The following NHSL1 variants were observed in gnomAD, a reference collection of about 807,000 sequenced individuals.
The protein encoded by NHSL1 is NHS like 1.
A neutral mutation model predicts 95.0 loss-of-function variants in NHSL1; 48 were observed. The observed-to-expected ratio is 0.51, with a 90% CI of 0.40 to 0.64. The LOEUF is 0.64. Among genes scored for constraint, NHSL1 ranks in the 30% least tolerant of loss-of-function variants. The pLI is 0.00. For missense variants in NHSL1, 1,971 were observed against 2,077.7 expected (o/e 0.95, Z 1.00); for synonymous variants, 783 against 833.9 (o/e 0.94, Z 1.05).
intron 1 of NHSL1, among the ~76,000 whole-genome samples, chr6:138,686,180 ATAATGCC>A (rs901812464): frequency 6.6e-6 from 1 of 152,212 alleles, no homozygotes; most frequent in Non-Finnish European, 1.5e-5. Context: ...AGTATGTGAG[ATAATGCC>A]TATATGTTAA....
At chr6:138,576,938 A>G (rs1783981251), upstream of NHSL1, among the ~76,000 whole-genome samples, 1 of 152,234 alleles carries the variant, frequency 6.6e-6, no homozygotes, top group Non-Finnish European at 1.5e-5. Flanking sequence ...TACATAATAC[A>G]TTAAGGAAAA....
chr6:138,487,970 G>A (rs529050419), intron 2 of NHSL1, among the ~76,000 whole-genome samples: 67 of 152,204 alleles, frequency 4.4e-4, no homozygotes, highest in African/African-American at 1.5e-3. Flanking sequence ...ATAAGTAATC[G>A]AAAGTTTCTT....
At chr6:138,674,622 A>C (rs1785424513) in intron 1 of NHSL1, among the ~76,000 whole-genome samples, 1 of 152,052 alleles carries the variant, frequency 6.6e-6, no homozygotes, top group Non-Finnish European at 1.5e-5. Flanking sequence ...TTCCCACTTC[A>C]TCCGTGTCCC....
At chr6:138,637,548 A>C (rs1036409281) in intron 1 of NHSL1, among the ~76,000 whole-genome samples, 4 of 152,174 alleles carry the variant, frequency 2.6e-5, no homozygotes, top group African/African-American at 9.7e-5. Context: ...TCTATCAGCA[A>C]AAAATCTAAT....
At chr6:138,666,963 G>A (rs1425693516) in intron 1 of NHSL1, among the ~76,000 whole-genome samples, 2 of 152,034 alleles carry the variant, frequency 1.3e-5, no homozygotes, top group Non-Finnish European at 2.9e-5. Context: ...ATCCAACAAT[G>A]TTTTTAGCAA....
intron 1 of NHSL1, among the ~76,000 whole-genome samples, chr6:138,681,632 C>T (rs1414963519): frequency 6.6e-6 from 1 of 152,186 alleles, no homozygotes; most frequent in Non-Finnish European, 1.5e-5. Context: ...AACCACAGTG[C>T]ACCTCAACAG....
chr6:138,638,215 G>A (rs1455294189), intron 1 of NHSL1, among the ~76,000 whole-genome samples: 1 of 152,134 alleles, frequency 6.6e-6, no homozygotes, highest in Admixed American at 6.5e-5. Context: ...AGCTGGGAAG[G>A]GCAGTGGGGT....
At chr6:138,552,970 T>C (rs150151901) in intron 1 of NHSL1, among the ~76,000 whole-genome samples, 1 of 152,352 alleles carries the variant, frequency 6.6e-6, no homozygotes, top group Non-Finnish European at 1.5e-5. Flanking sequence ...ACCTTTGTAG[T>C]TGATATTTTT....
At chr6:138,428,525 T>G (rs1775411576) in intron 7 of NHSL1, among the ~76,000 whole-genome samples, 2 of 152,220 alleles carry the variant, frequency 1.3e-5, no homozygotes, top group Non-Finnish European at 1.5e-5. Context: ...AGGGGCAGTC[T>G]TTAGGATCTA....
chr6:138,427,491 C>T (rs1006041456), intron 7 of NHSL1, among the ~76,000 whole-genome samples: 1 of 151,460 alleles, frequency 6.6e-6, no homozygotes, highest in South Asian at 2.1e-4. Context: ...TATGAAAGCA[C>T]TGTCATCTCT....
chr6:138,488,955 A>G (rs974550647), intron 2 of NHSL1, among the ~76,000 whole-genome samples: 8 of 152,204 alleles, frequency 5.3e-5, no homozygotes, highest in Non-Finnish European at 1.2e-4. Flanking sequence ...AGCTCCTTTC[A>G]GCTCCAGCAT....
At chr6:138,638,038 A>G (rs1365160615) in intron 1 of NHSL1, among the ~76,000 whole-genome samples, 1 of 152,244 alleles carries the variant, frequency 6.6e-6, no homozygotes, top group Non-Finnish European at 1.5e-5. Context: ...ATTAAAAAGA[A>G]TTAGATCCTG....
At chr6:138,476,234 G>A (rs1370000328) in intron 2 of NHSL1, among the ~76,000 whole-genome samples, 1 of 152,102 alleles carries the variant, frequency 6.6e-6, no homozygotes, top group African/African-American at 2.4e-5. Context: ...GCAGAGCTAT[G>A]GAATCAACCT....
At chr6:138,598,315 G>A (rs548261230) in intron 1 of NHSL1, among the ~76,000 whole-genome samples, 4 of 152,104 alleles carry the variant, frequency 2.6e-5, no homozygotes, top group Middle Eastern at 3.4e-3. Context: ...AAAATTGGCC[G>A]GGCATGGTGG....
At chr6:138,490,150 A>C (rs80347481) in intron 2 of NHSL1, among the ~76,000 whole-genome samples, 11,501 of 151,322 alleles carry the variant, frequency 0.076, 503 homozygotes, top group Non-Finnish European at 0.1. Flanking sequence ...TATATGTCAT[A>C]TTTTTTTTTA....
intron 1 of NHSL1, among the ~76,000 whole-genome samples, chr6:138,621,472 ATT>A (rs35502435): frequency 0.018 from 2,680 of 148,898 alleles, 82 homozygotes; most frequent in African/African-American, 0.061. Context: ...AGTATCATTG[ATT>A]TTTTTTTTTT....
At chr6:138,605,694 A>T (rs1195766371) in intron 1 of NHSL1, among the ~76,000 whole-genome samples, 1 of 152,224 alleles carries the variant, frequency 6.6e-6, no homozygotes, top group Non-Finnish European at 1.5e-5. Flanking sequence ...TATGATTAAA[A>T]TAATTTTGCT....
intron 7 of NHSL1, among the ~76,000 whole-genome samples, chr6:138,428,457 T>C (rs140317211): frequency 0.012 from 1,901 of 152,322 alleles, 27 homozygotes; most frequent in African/African-American, 0.038. Context: ...GAGAAATAAT[T>C]GGACAACCAG....
upstream of NHSL1, among the ~76,000 whole-genome samples, chr6:138,549,415 G>GA (rs1782921685): frequency 6.6e-6 from 1 of 152,110 alleles, no homozygotes; most frequent in African/African-American, 2.4e-5. Context: ...AAAGGATACA[G>GA]AGACACAGTG....
Sources: gnomAD v4.1 joint callset for allele counts (sites outside exome capture counted in the v4.1 genomes callset) on GRCh38, gnomAD v4.1.1 for gene constraint, MANE v1.5 for transcripts, NCBI Gene and HGNC (gene_info 2026-07-23, HGNC 2026-07-21) for gene names.